The following SEMA3A variants were observed in gnomAD, a reference collection of about 807,000 sequenced individuals.
The protein encoded by SEMA3A is semaphorin 3A.
In SEMA3A, 29 loss-of-function variants were observed where a neutral mutation model predicts 97.9. The observed-to-expected ratio is 0.30, with a 90% CI of 0.22 to 0.40. The LOEUF (loss-of-function observed/expected upper bound fraction) is 0.40. Ranked by LOEUF, SEMA3A falls within the 10% of genes least tolerant of loss-of-function variation. The probability of loss-of-function intolerance (pLI) is 1.00; values close to 1 mark genes in which losing one functional copy is unlikely to be tolerated. For missense variants in SEMA3A, 763 were observed against 951.3 expected (o/e 0.80, Z 2.60); for synonymous variants, 321 against 323.7 (o/e 0.99, Z 0.09).
At chr7:84,195,636 T>C (rs931729547), upstream of SEMA3A, among the ~76,000 whole-genome samples, 1 of 152,124 alleles carries the variant, frequency 6.6e-6, no homozygotes, top group Non-Finnish European at 1.5e-5. Context: ...ATAGGTCCTT[T>C]GAGAATTATA....
rs368853955 is a variant in SEMA3A, at chr7:84,440,078, T to TA, written c.-246+52381dup. ...ACAAGTAAGTGAGAAGGTACTTTGT[T>TA]AAAAAGCAATACATCAACAGAAGAT... is the stretch of plus-strand genomic sequence containing the variant. On this transcript the variant is annotated intron_variant, in intron 1 of 3. Coordinates refer to the SEMA3A transcript ENST00000424555. Among the ~76,000 whole-genome samples, 106 of 152,290 alleles carry TA rather than the reference T, an allele frequency of 7.0e-4. 1 individual carries two copies. The highest frequency in any genetic ancestry group is 2.4e-3 in the African/African-American group (98 of 41,572).
At chr7:84,105,139 C>T (rs1795070268) in intron 4 of SEMA3A, among the ~76,000 whole-genome samples, 1 of 152,138 alleles carries the variant, frequency 6.6e-6, no homozygotes, top group African/African-American at 2.4e-5. Context: ...AATCCACCTA[C>T]CCAAAAGCAA....
chr7:84,159,728 T>G (rs1172137279), intron 1 of SEMA3A, among the ~76,000 whole-genome samples: 1 of 152,154 alleles, frequency 6.6e-6, no homozygotes, highest in Non-Finnish European at 1.5e-5. Flanking sequence ...AAAAAATAGT[T>G]AGACCCTTAG....
chr7:84,191,820 A>G (rs1232454983), intron 1 of SEMA3A, among the ~76,000 whole-genome samples: 1 of 151,826 alleles, frequency 6.6e-6, no homozygotes, highest in African/African-American at 2.4e-5. Flanking sequence ...AAAAGCCAGC[A>G]TACCCCATTT....
At chr7:84,050,789 T>C (rs373290199) in intron 5 of SEMA3A, among the ~76,000 whole-genome samples, 10 of 152,058 alleles carry the variant, frequency 6.6e-5, no homozygotes, top group Admixed American at 1.3e-4. Context: ...TTGCCCATGC[T>C]TATGTCCTGA....
intron 15 of SEMA3A, among the ~76,000 whole-genome samples, chr7:83,975,670 AT>A (rs1211459014): frequency 9.6e-4 from 146 of 152,240 alleles, no homozygotes; most frequent in Non-Finnish European, 2.9e-4. Context: ...TGATATGGAG[AT>A]TAAAGTCTGA....
At chr7:84,149,796 A>G (rs1333819091) in intron 1 of SEMA3A, among the ~76,000 whole-genome samples, 1 of 152,230 alleles carries the variant, frequency 6.6e-6, no homozygotes, top group East Asian at 1.9e-4. Flanking sequence ...GCTGGCCACA[A>G]CATTCATTGA....
At chr7:84,081,519 G>A (rs1395230197) in intron 4 of SEMA3A, among the ~76,000 whole-genome samples, 1 of 151,690 alleles carries the variant, frequency 6.6e-6, no homozygotes, top group Non-Finnish European at 1.5e-5. Flanking sequence ...CGTGAACCCG[G>A]GAGGCGGAGC....
intron 4 of SEMA3A, among the ~76,000 whole-genome samples, chr7:84,088,732 C>T (rs1191067549): frequency 6.6e-6 from 1 of 151,934 alleles, no homozygotes; most frequent in East Asian, 1.9e-4. Flanking sequence ...TATTTTTCCA[C>T]CTTCCTGCCT....
At chr7:84,381,832 A>C (rs1318835865) in intron 1 of SEMA3A, among the ~76,000 whole-genome samples, 1 of 152,184 alleles carries the variant, frequency 6.6e-6, no homozygotes, top group Admixed American at 6.5e-5. Flanking sequence ...AGGTCATTCT[A>C]TGAAGAGTCT....
At chr7:84,284,889 G>T (rs1800540689) in intron 3 of SEMA3A, among the ~76,000 whole-genome samples, 1 of 151,974 alleles carries the variant, frequency 6.6e-6, no homozygotes. Flanking sequence ...TTCAAGTTCT[G>T]TTTAACACAG....
intron 6 of SEMA3A, among the ~76,000 whole-genome samples, chr7:84,036,791 T>C (rs1176957923): frequency 6.6e-6 from 1 of 152,122 alleles, no homozygotes; most frequent in Non-Finnish European, 1.5e-5. Context: ...GACAACCATA[T>C]GGTCAGATAT....
At chr7:83,990,345 G>A (rs1789849790) in intron 12 of SEMA3A, among the ~76,000 whole-genome samples, 1 of 151,896 alleles carries the variant, frequency 6.6e-6, no homozygotes, top group Non-Finnish European at 1.5e-5. Flanking sequence ...TGTCAATTTT[G>A]GCTTTTGTTG....
intron 1 of SEMA3A, among the ~76,000 whole-genome samples, chr7:84,480,844 G>A (rs1033896497): frequency 6.6e-6 from 1 of 152,136 alleles, no homozygotes; most frequent in African/African-American, 2.4e-5. Context: ...TAAATAGGAT[G>A]AGTGTTTTGA....
intron 1 of SEMA3A, among the ~76,000 whole-genome samples, chr7:84,417,850 T>C (rs1804475891): frequency 6.6e-6 from 1 of 152,100 alleles, no homozygotes; most frequent in African/African-American, 2.4e-5. Context: ...TTCAGAATTA[T>C]GACTGAAAGC....
intron 2 of SEMA3A, among the ~76,000 whole-genome samples, chr7:84,344,427 C>T (rs1021033835): frequency 6.6e-6 from 1 of 152,016 alleles, no homozygotes; most frequent in African/African-American, 2.4e-5. Context: ...TGCTTGGGAG[C>T]GGTATCCAGA....
chr7:84,479,738 G>A (rs1248126997), intron 1 of SEMA3A, among the ~76,000 whole-genome samples: 1 of 151,946 alleles, frequency 6.6e-6, no homozygotes, highest in African/African-American at 2.4e-5. Context: ...GTGAATATAC[G>A]TCAATGACAC....
chr7:84,387,318 C>T (rs186381454), intron 1 of SEMA3A, among the ~76,000 whole-genome samples: 1 of 152,192 alleles, frequency 6.6e-6, no homozygotes. Context: ...TAAAGCCACA[C>T]TTGTTTGAAA....
chr7:84,154,133 AG>A (rs1265574225), intron 1 of SEMA3A, among the ~76,000 whole-genome samples: 1 of 152,108 alleles, frequency 6.6e-6, no homozygotes, highest in Admixed American at 6.6e-5. Context: ...ACTTTGTATG[AG>A]ATAGAACCAT....
Sources: gnomAD v4.1 joint callset for allele counts (sites outside exome capture counted in the v4.1 genomes callset) on GRCh38, gnomAD v4.1.1 for gene constraint, MANE v1.5 for transcripts, NCBI Gene and HGNC (gene_info 2026-07-23, HGNC 2026-07-21) for gene names.